MROH1: variants seen among roughly 807,000 people sequenced by gnomAD.
MROH1 encodes the protein maestro heat-like repeat-containing protein family member 1.
In MROH1, 117 loss-of-function variants were observed where a neutral mutation model predicts 116.5. That is an observed-to-expected ratio of 1.00 (90% CI 0.86 to 1.17). MROH1 has a LOEUF of 1.17. Among genes scored for constraint, MROH1 ranks in the 50% most tolerant of loss-of-function variants. The probability of loss-of-function intolerance (pLI) is 0.00; values close to 1 mark genes in which losing one functional copy is unlikely to be tolerated. For missense variants in MROH1, 1,873 were observed against 1,338.5 expected (o/e 1.40, Z -6.23); for synonymous variants, 921 against 583.9 (o/e 1.58, Z -8.32).
chr8:144,157,075 C>T (rs1331928609), intron 1 of MROH1, among the ~76,000 whole-genome samples: 1 of 152,208 alleles, frequency 6.6e-6, no homozygotes, highest in Non-Finnish European at 1.5e-5. Flanking sequence ...ACTGCCTCAG[C>T]CTCCTGAGTA....
At chr8:144,243,255 GGTCAC>G (rs1448720969) in intron 24 of MROH1, among the ~76,000 whole-genome samples, 1 of 152,230 alleles carries the variant, frequency 6.6e-6, no homozygotes, top group African/African-American at 2.4e-5. Context: ...GGGGCCCTCT[GGTCAC>G]ACCACACAGT....
chr8:144,185,078 G>T (rs1334144683), intron 7 of MROH1, among the ~76,000 whole-genome samples: 3 of 152,198 alleles, frequency 2.0e-5, no homozygotes, highest in African/African-American at 7.2e-5. Flanking sequence ...TTCTCTGTCG[G>T]GGAGGGAAGT....
intron 13 of MROH1, among the ~76,000 whole-genome samples, chr8:144,222,673 C>G (rs1268260859): frequency 6.6e-6 from 1 of 151,950 alleles, no homozygotes. Context: ...GGTGTGGGAG[C>G]AGGCATAGGT....
intron 14 of MROH1, among the ~76,000 whole-genome samples, chr8:144,227,701 G>A (rs1362134911): frequency 6.6e-6 from 1 of 152,082 alleles, no homozygotes; most frequent in Admixed American, 6.6e-5. Flanking sequence ...TGTAATCCCA[G>A]CACTTTGGGA....
chr8:144,174,994 T>C, intron 4 of MROH1: 1 of 985,426 alleles, frequency 1.0e-6, no homozygotes. Context: ...CCTATTGTTT[T>C]CCTCTGGAAA....
rs773464725 is a variant in MROH1 at position 144,223,137 on chromosome 8, C to G, written c.1245C>G (p.Ser415Arg). ...KVKRAVVQVI[S>R]AMAHHGYLEQ... ...AGCGGGCAGTGGTGCAGGTGATTAG[C>G]GCCATGGCCCACCACGGCTACCTGG... The change falls in exon 14 of 44, where the codon AGC becomes AGG. Residue 415 changes from serine to arginine, a missense_variant. Coordinates refer to ENST00000326134, the MANE Select transcript of MROH1 (RefSeq NM_032450.3). 6.2e-7 allele frequency: 1 copy of G among 1,613,136 alleles called. No individual in the cohort carries two copies. The highest frequency in any genetic ancestry group is 8.5e-7 in the Non-Finnish European group (1 of 1,179,598).
Position 144,238,881 on chromosome 8 carries a change from G to T in MROH1, c.1446+18G>T, listed in dbSNP as rs1028199287. The T allele has an allele frequency of 7.8e-6, 6 of 771,402 alleles. No homozygotes were observed. Among genetic ancestry groups the T allele is most frequent in the Non-Finnish European group, 1.2e-5 (5 of 417,748 alleles). 47.8% of individuals were successfully genotyped at this position (771,402 alleles called of 1,614,324 possible). On this transcript the variant is annotated intron_variant, in intron 15 of 43. Transcript: ENST00000326134. Reference sequence around the variant, plus strand: ...TGAGTCACGTGAGTGCACGGCACCCGTCCCTGCCTGGCGACAACAGAGCTC... The same window carrying T: ...TGAGTCACGTGAGTGCACGGCACCCTTCCCTGCCTGGCGACAACAGAGCTC...
At chr8:144,169,070 C>T (rs1356872266) in intron 4 of MROH1, among the ~76,000 whole-genome samples, 2 of 152,226 alleles carry the variant, frequency 1.3e-5, no homozygotes, top group African/African-American at 2.4e-5. Flanking sequence ...ATTTCGGCCT[C>T]GCCTGATCTT....
intron 14 of MROH1, among the ~76,000 whole-genome samples, chr8:144,227,476 T>C (rs10097929): frequency 0.074 from 11,216 of 151,706 alleles, 1,423 homozygotes; most frequent in African/African-American, 0.26. Flanking sequence ...GAAACCCCAT[T>C]TCCACAAAAA....
Position 144,223,355 on chromosome 8 carries a change from G to T in MROH1, c.1338+125G>T, listed in dbSNP as rs34695605. ...TGTGGGCTGCAGTCTGCGTGCGGAGGTGCCCTCTGCTGTCTTTTGTTTAAT... is the reference window on the plus strand; with the variant it reads ...TGTGGGCTGCAGTCTGCGTGCGGAGTTGCCCTCTGCTGTCTTTTGTTTAAT... On this transcript the variant is annotated intron_variant, in intron 14 of 43. Coordinates refer to ENST00000326134, the MANE Select transcript of MROH1 (RefSeq NM_032450.3). 0.015 allele frequency: 18,713 copies of T among 1,271,082 alleles called. 2,225 individuals are homozygous for T. The African/African-American group carries it at 0.25, about 17-fold the overall frequency. 78.7% of individuals were successfully genotyped at this position (1,271,082 alleles called of 1,614,324 possible).
At chr8:144,206,930 G>A (rs1211982220) in intron 12 of MROH1, among the ~76,000 whole-genome samples, 1 of 151,238 alleles carries the variant, frequency 6.6e-6, no homozygotes, top group Non-Finnish European at 1.5e-5. Context: ...CTACTCTGGA[G>A]GCTGAGGCAG....
rs1334804891 is a variant in MROH1 at position 144,260,224 on chromosome 8, T to A, written c.4230T>A (p.Ile1410=). The change falls in exon 39 of 44, where the codon ATT becomes ATA. Residue 1410 remains isoleucine (I), a synonymous_variant. Coordinates refer to ENST00000326134, the MANE Select transcript of MROH1 (RefSeq NM_032450.3). The part of the protein sequence containing the change: ...THGPQLLTAM[I]GGLDDGDNPH... ...GCCCCCAGCTCCTCACAGCCATGAT[T>A]GGCGGGCTGGACGACGGGGACAACC... 1.4e-5 allele frequency: 11 copies of A among 765,718 alleles called. No individual in the cohort carries two copies. Among genetic ancestry groups the A allele is most frequent in the African/African-American group, 6.8e-5 (4 of 59,106 alleles). 47.4% of individuals were successfully genotyped at this position (765,718 alleles called of 1,614,324 possible).
At position 144,259,974 on chromosome 8, in the gene MROH1, G is replaced by T. The variant is rs943190649; in HGVS notation, c.4108G>T (p.Ala1370Ser). 8 of 740,258 alleles carry T rather than the reference G, an allele frequency of 1.1e-5. No individual in the cohort carries two copies. The Admixed American group carries it at 1.1e-4, about 10-fold the overall frequency. The allele number at this position is 740,258 out of a possible 1,614,324, so 45.9% of individuals were successfully genotyped here. A position where few individuals can be genotyped will look rare whatever the true frequency, so the allele number is the denominator to read the frequency against. ...LLDSLLESLA[A>S]RQKDTCASVR... The stretch of plus-strand genomic sequence containing the variant: ...GGACTCGCTGCTGGAGAGCCTGGCG[G>T]CTCGCCAGAAGGACACATGCGCCAG... Residue 1370 changes from alanine (A) to serine (S), a missense_variant, in exon 38 of 44, where the codon GCT (alanine) becomes TCT (serine). Transcript: ENST00000326134.
chr8:144,148,141 C>T (rs1815861030), intron 1 of MROH1, 65 bp downstream of exon 1: 1 of 152,350 alleles, frequency 6.6e-6, no homozygotes, highest in Non-Finnish European at 1.5e-5. Context: ...GAAGTCTGGG[C>T]TGAAGAGCCT....
At chr8:144,223,814 G>C (rs1467802960) in intron 14 of MROH1, among the ~76,000 whole-genome samples, 1 of 152,176 alleles carries the variant, frequency 6.6e-6, no homozygotes, top group African/African-American at 2.4e-5. Flanking sequence ...TCTTCAAGTT[G>C]GCAAAGCTGG....
chr8:144,230,039 T>TAATAAG, intron 14 of MROH1, among the ~76,000 whole-genome samples: 1 of 151,350 alleles, frequency 6.6e-6, no homozygotes, highest in East Asian at 1.9e-4. Flanking sequence ...GTCTCAAAAA[T>TAATAAG]AATAATAATA....
rs1468412878 is a variant in MROH1, at chr8:144,249,047, G to A, written c.3273+18G>A. On this transcript the variant is annotated intron_variant, in intron 32 of 43. Coordinates refer to ENST00000326134, the MANE Select transcript of MROH1 (RefSeq NM_032450.3). ...AGGAGAAGGTGGGAGAGGGCGGGGC[G>A]CGGGGGGTGCTCCAGGAGAAGGTGG... 4.3e-5 allele frequency: 30 copies of A among 695,496 alleles called. No homozygotes were observed. Among genetic ancestry groups the A allele is most frequent in the South Asian group, 7.5e-5 (5 of 66,556 alleles). The allele number at this position is 695,496 out of a possible 1,614,324, so 43.1% of individuals were successfully genotyped here.
In MROH1 at chr8:144,209,429, A is replaced by C. The variant is rs558142244; in HGVS notation, c.1141+8888A>C. Reference sequence around the variant, plus strand: ...CCCCGTCTCTACAAAAAATACAAAAAATTAGCTGGGCGTGGTGGCGGGCGC... The same window carrying C: ...CCCCGTCTCTACAAAAAATACAAAACATTAGCTGGGCGTGGTGGCGGGCGC... On this transcript the variant is annotated intron_variant, in intron 12 of 43. Transcript: ENST00000326134. 7.1e-4 allele frequency among the ~76,000 whole-genome samples: 107 copies of C among 151,768 alleles called. 1 individual carries two copies. Among genetic ancestry groups the C allele is most frequent in the Non-Finnish European group, 1.3e-3 (85 of 67,902 alleles).
At chr8:144,194,384 T>C (rs1401130349) in intron 10 of MROH1, among the ~76,000 whole-genome samples, 3 of 152,118 alleles carry the variant, frequency 2.0e-5, no homozygotes, top group South Asian at 4.1e-4. Flanking sequence ...ACAACTAAGA[T>C]TGGAAAGGAA....
Sources: gnomAD v4.1 joint callset for allele counts (sites outside exome capture counted in the v4.1 genomes callset) on GRCh38, gnomAD v4.1.1 for gene constraint, MANE v1.5 for transcripts, NCBI Gene and HGNC (gene_info 2026-07-23, HGNC 2026-07-21) for gene names.